The following ANKFY1 variants were observed in gnomAD, a reference collection of about 807,000 sequenced individuals.
ANKFY1 encodes ankyrin repeat and FYVE domain containing 1.
ANKFY1 carries 47 observed loss-of-function variants against 128.3 expected under a neutral mutation model. The ratio of observed to expected loss-of-function variants is 0.37; its 90% confidence interval spans 0.29 to 0.47. The LOEUF is 0.47. Among genes scored for constraint, ANKFY1 ranks in the 20% least tolerant of loss-of-function variants. The pLI, the probability that ANKFY1 is intolerant of heterozygous loss-of-function variation, is 1.00. For missense variants in ANKFY1, 1,222 were observed against 1,510.6 expected (o/e 0.81, Z 3.17); for synonymous variants, 553 against 601.6 (o/e 0.92, Z 1.18).
At chr17:4,233,242 A>C (rs1367923438) in intron 3 of ANKFY1, among the ~76,000 whole-genome samples, 4 of 152,196 alleles carry the variant, frequency 2.6e-5, no homozygotes, top group Non-Finnish European at 4.4e-5. Context: ...GTCTTCATAA[A>C]CATTCTGTTC....
At chr17:4,209,332 G>A (rs1444224269) in intron 5 of ANKFY1, among the ~76,000 whole-genome samples, 2 of 152,190 alleles carry the variant, frequency 1.3e-5, no homozygotes, top group East Asian at 1.9e-4. Flanking sequence ...ACGGAGTCTC[G>A]CTCTGTCACC....
Position 4,228,060 on chromosome 17 carries a change from T to G in ANKFY1, c.322+7712A>C, listed in dbSNP as rs111274682. Among the ~76,000 whole-genome samples the G allele has an allele frequency of 6.6e-3, 1,011 of 152,290 alleles. 6 individuals carry two copies. Among genetic ancestry groups the G allele is most frequent in the Non-Finnish European group, 8.5e-3 (576 of 68,022 alleles). ...ACACAACTGAATACAGGTAATTTTC[T>G]TGCTAATAAAACCCAGAAAGAACAC... On this transcript the variant is annotated intron_variant, in intron 3 of 24. Transcript: ENST00000341657.
At chr17:4,193,488 C>T (rs1046832502) in intron 10 of ANKFY1, among the ~76,000 whole-genome samples, 1 of 136,414 alleles carries the variant, frequency 7.3e-6, no homozygotes, top group African/African-American at 2.8e-5. Context: ...GAGTGCAATG[C>T]ACGATCTTGG....
chr17:4,262,441 T>C (rs1968470281), intron 1 of ANKFY1, among the ~76,000 whole-genome samples: 1 of 152,124 alleles, frequency 6.6e-6, no homozygotes, highest in Non-Finnish European at 1.5e-5. Context: ...TTCGTATTTT[T>C]TGTAGATACG....
intron 3 of ANKFY1, among the ~76,000 whole-genome samples, chr17:4,225,370 T>A (rs2143155284): frequency 6.6e-6 from 1 of 152,118 alleles, no homozygotes; most frequent in South Asian, 2.1e-4. Flanking sequence ...AAGAAAAGTT[T>A]TTGCTTCATA....
intron 3 of ANKFY1, among the ~76,000 whole-genome samples, chr17:4,226,366 CA>C (rs971298391): frequency 1.3e-5 from 2 of 151,980 alleles, no homozygotes; most frequent in African/African-American, 2.4e-5. Context: ...TACAAAAAAA[CA>C]TTTTTTTTAA....
At chr17:4,238,153 A>T (rs985849182) in intron 2 of ANKFY1, among the ~76,000 whole-genome samples, 30 of 23,320 alleles carry the variant, frequency 1.3e-3, no homozygotes, top group Non-Finnish European at 1.6e-3. Flanking sequence ...TTATTTATTT[A>T]AAAAAAAAAA....
chr17:4,195,380 CTT>C, intron 9 of ANKFY1, 21 bp downstream of exon 9: 1 of 1,610,108 alleles, frequency 6.2e-7, no homozygotes, highest in South Asian at 1.1e-5. Context: ...CGCCTTCTCA[CTT>C]GTGCGTGTCT....
chr17:4,238,741 C>A (rs1337498235), intron 2 of ANKFY1, among the ~76,000 whole-genome samples: 1 of 151,888 alleles, frequency 6.6e-6, no homozygotes, highest in Non-Finnish European at 1.5e-5. Context: ...GCTGGGATTA[C>A]AGGTGTGAGC....
rs370718364 is a variant in ANKFY1 at position 4,184,925 on chromosome 17, G to A, written c.1592C>T (p.Ala531Val). Residue 531 changes from alanine (A) to valine (V), a missense_variant, in exon 12 of 25, where the codon GCC (alanine) becomes GTC (valine). Coordinates refer to ENST00000341657, the MANE Select transcript of ANKFY1 (RefSeq NM_001330063.2). ...GTCCGCCAAGCTGGTCAGGGATGCG[G>A]CCTCCTTTGGCAGAGGCAGAGCTTC... ...TEEALPLPKE[A>V]ASLTSLADSV... 23 of 1,613,954 alleles carry A rather than the reference G, an allele frequency of 1.4e-5. No homozygotes were observed. Among genetic ancestry groups the A allele is most frequent in the Non-Finnish European group, 1.9e-5 (22 of 1,180,054 alleles).
At chr17:4,173,511 A>C in intron 20 of ANKFY1, 67 bp from the exon 21 acceptor site, 1 of 1,396,364 alleles carries the variant, frequency 7.2e-7, no homozygotes, top group East Asian at 2.3e-5. Flanking sequence ...ACTCCTCCTC[A>C]CCCTCACAGA....
chr17:4,221,813 C>T (rs1017886853), intron 3 of ANKFY1, among the ~76,000 whole-genome samples: 8 of 152,084 alleles, frequency 5.3e-5, no homozygotes, highest in African/African-American at 1.9e-4. Context: ...GATGAGGTTT[C>T]GCCATGTTGG....
At position 4,177,140 on chromosome 17, in the gene ANKFY1, T is replaced by C; in HGVS notation, c.2761A>G (p.Ile921Val). The change falls in exon 19 of 25, where the codon ATT (isoleucine) becomes GTT (valine). Residue 921 changes from isoleucine to valine, a missense_variant. Ile to Val is a conservative substitution (Grantham distance 29). Coordinates refer to ENST00000341657, the MANE Select transcript of ANKFY1 (RefSeq NM_001330063.2). ...GTGTCACTTACCAAATTGCGGACAA[T>C]AATTTCTGAGCCTGCTTGGACAGCG... ...HLAVQAGSEI[I>V]VRNLLLAGAK... The C allele has an allele frequency of 1.3e-6, 2 of 1,584,748 alleles. No individual in the cohort carries two copies. The highest frequency in any genetic ancestry group is 1.4e-5 in the African/African-American group (1 of 73,828).
Position 4,189,404 on chromosome 17 carries a change from T to A in ANKFY1, c.1448A>T (p.His483Leu), listed in dbSNP as rs1389156685. ...AALFLATNGA[H>L]VNHRNKWGET... ...TACCCACTTGTTTCTGTGGTTGACA[T>A]GGGCACCGTTGGTTGCCAGGAAAAG... Residue 483 changes from histidine (H) to leucine (L), a missense_variant, in exon 11 of 25, where the codon CAT becomes CTT. His to Leu is a moderately conservative substitution (Grantham distance 99). Transcript: ENST00000341657. 6.3e-7 allele frequency: 1 copy of A among 1,588,560 alleles called. No homozygotes were observed.
At chr17:4,201,280 C>T (rs2059922997) in intron 7 of ANKFY1, among the ~76,000 whole-genome samples, 1 of 152,214 alleles carries the variant, frequency 6.6e-6, no homozygotes, top group Admixed American at 6.5e-5. Flanking sequence ...GATCCTCCCA[C>T]CTTGGCCACC....
chr17:4,195,274 A>C, intron 9 of ANKFY1, 97 bp from the exon 10 acceptor site: 1 of 1,342,510 alleles, frequency 7.4e-7, no homozygotes, highest in Non-Finnish European at 1.0e-6. Flanking sequence ...TTTTTCAATG[A>C]CACATTTTTT....
intron 11 of ANKFY1, among the ~76,000 whole-genome samples, 192 bp from the exon 12 acceptor site, chr17:4,185,238 C>T (rs2059590431): frequency 6.6e-6 from 1 of 152,166 alleles, no homozygotes; most frequent in Non-Finnish European, 1.5e-5. Flanking sequence ...CGGAGTCCCG[C>T]TCTGTCACCC....
chr17:4,195,745 C>T (rs1238111508), intron 8 of ANKFY1, among the ~76,000 whole-genome samples: 1 of 152,154 alleles, frequency 6.6e-6, no homozygotes, highest in Non-Finnish European at 1.5e-5. Context: ...AAGGCACAGA[C>T]AGGATTTTCT....
At chr17:4,195,930 C>A (rs1487277710) in intron 8 of ANKFY1, among the ~76,000 whole-genome samples, 1 of 151,964 alleles carries the variant, frequency 6.6e-6, no homozygotes, top group Non-Finnish European at 1.5e-5. Flanking sequence ...TCATTTAGCA[C>A]TCGGGAGCCC....
Sources: gnomAD v4.1 joint callset for allele counts (sites outside exome capture counted in the v4.1 genomes callset) on GRCh38, gnomAD v4.1.1 for gene constraint, MANE v1.5 for transcripts, NCBI Gene and HGNC (gene_info 2026-07-23, HGNC 2026-07-21) for gene names.